IQSEC1: variants seen among roughly 807,000 people sequenced by gnomAD.
IQSEC1 encodes IQ motif and SEC7 domain-containing protein 1.
Under a neutral mutation model 91.0 loss-of-function variants are expected in IQSEC1, and 31 were observed. That is an observed-to-expected ratio of 0.34 (90% CI 0.26 to 0.46). The LOEUF (loss-of-function observed/expected upper bound fraction) is 0.46, where lower values mean the gene tolerates loss of function less well. IQSEC1 is among the 20% of genes least tolerant of loss of function. The pLI is 1.00. For missense variants in IQSEC1, 1,388 were observed against 1,575.6 expected, an observed-to-expected ratio of 0.88 and a Z score of 2.02; for synonymous variants, 699 against 662.6, an observed-to-expected ratio of 1.05 and a Z score of -0.84.
Position 13,214,534 on chromosome 3 carries a change from C to A in IQSEC1, c.273-50401G>T, listed in dbSNP as rs1475304314. On this transcript the variant is annotated intron_variant, in intron 1 of 15. Coordinates refer to the IQSEC1 transcript ENST00000648114. The surrounding 1 kb of genome is among the most constrained non-coding windows in gnomAD (Gnocchi z 4.5). ...ACTCCCTTTCATGGCCTCCATTGCA[C>A]GTGGGTGCAGCCTGGGGCCTCTCAC... is the stretch of plus-strand genomic sequence containing the variant. Among the ~76,000 whole-genome samples the A allele has an allele frequency of 1.3e-5, 2 of 152,274 alleles. No individual in the cohort carries two copies. The highest frequency in any genetic ancestry group is 2.9e-5 in the Non-Finnish European group (2 of 68,050).
intron 1 of IQSEC1, among the ~76,000 whole-genome samples, chr3:13,264,873 C>CCTCTCTCTGT (rs1227128789): frequency 5.3e-5 from 8 of 151,656 alleles, no homozygotes; most frequent in Non-Finnish European, 8.8e-5. Context: ...TATCTCTGTC[C>CCTCTCTCTGT]CTCTCTCTGT....
intron 1 of IQSEC1, among the ~76,000 whole-genome samples, chr3:13,027,027 T>C (rs1703646829): frequency 6.6e-6 from 1 of 152,178 alleles, no homozygotes; most frequent in African/African-American, 2.4e-5. Flanking sequence ...GTCATTTATA[T>C]CTGCAGTCTT....
intron 2 of IQSEC1, among the ~76,000 whole-genome samples, chr3:13,140,301 C>T (rs941207234): frequency 1.3e-5 from 2 of 152,316 alleles, no homozygotes; most frequent in East Asian, 3.9e-4. Flanking sequence ...CAGATTCACG[C>T]TGTCACCTCC....
chr3:13,213,739 G>C (rs1694488210), intron 1 of IQSEC1, among the ~76,000 whole-genome samples: 1 of 152,094 alleles, frequency 6.6e-6, no homozygotes, highest in Non-Finnish European at 1.5e-5. Context: ...TGGGTCCCAG[G>C]GATATGAGTG....
At chr3:12,919,903 C>T (rs1696457556) in intron 6 of IQSEC1, among the ~76,000 whole-genome samples, 1 of 152,194 alleles carries the variant, frequency 6.6e-6, no homozygotes, top group East Asian at 1.9e-4. Flanking sequence ...CACCTCCCAG[C>T]ACATGCCCAC....
chr3:12,965,141 G>A lies in IQSEC1; in HGVS notation c.24-23276C>T, dbSNP rs531332025. Among the ~76,000 whole-genome samples, 75 of 152,130 alleles carry A rather than the reference G, an allele frequency of 4.9e-4. 1 individual carries two copies. Among genetic ancestry groups the A allele is most frequent in the Non-Finnish European group, 8.5e-4 (58 of 68,032 alleles). On this transcript the variant is annotated intron_variant, in intron 1 of 13. Coordinates refer to ENST00000613206, the MANE Select transcript of IQSEC1 (RefSeq NM_001134382.3). ...CAGTCTCTGGGTTCTCTTAGTGTGT[G>A]TACCCTTAAAAAAACGAGGATAAGA...
At chr3:12,961,871 A>C (rs1409989180) in intron 1 of IQSEC1, among the ~76,000 whole-genome samples, 1 of 152,240 alleles carries the variant, frequency 6.6e-6, no homozygotes, top group Non-Finnish European at 1.5e-5. Flanking sequence ...AGGCACAGAA[A>C]GGCTAAGGAA....
chr3:13,170,827 C>G (rs1018086175), intron 1 of IQSEC1, among the ~76,000 whole-genome samples: 12 of 152,152 alleles, frequency 7.9e-5, no homozygotes, highest in Non-Finnish European at 1.5e-4. Flanking sequence ...GTGCTAGGCG[C>G]GGTGGCTCAC....
intron 1 of IQSEC1, among the ~76,000 whole-genome samples, chr3:13,250,704 T>C (rs1472267692): frequency 6.6e-6 from 1 of 151,842 alleles, no homozygotes; most frequent in Non-Finnish European, 1.5e-5. Flanking sequence ...TGACCTCAGG[T>C]GATCTGCCCG....
At position 12,995,213 on chromosome 3, in the gene IQSEC1, C is replaced by T. The variant is rs371506145; in HGVS notation, c.24-53348G>A. The T allele has an allele frequency of 6.6e-5, 10 of 152,376 alleles. 1 individual carries two copies. Among genetic ancestry groups the T allele is most frequent in the Admixed American group, 5.2e-4 (8 of 15,310 alleles). The allele number at this position is 152,376 out of a possible 1,614,324, so 9.4% of individuals were successfully genotyped here. A position where few individuals can be genotyped will look rare whatever the true frequency, so the allele number is the denominator to read the frequency against. On this transcript the variant is annotated intron_variant, in intron 1 of 13. Coordinates refer to ENST00000613206, the MANE Select transcript of IQSEC1 (RefSeq NM_001134382.3). Reference sequence around the variant, plus strand: ...CCAGGGCCCAGCCAGAGAAGCTGAGCGAGTGATGTCATGAGTCAGGAGACC... The same window carrying T: ...CCAGGGCCCAGCCAGAGAAGCTGAGTGAGTGATGTCATGAGTCAGGAGACC...
intron 1 of IQSEC1, among the ~76,000 whole-genome samples, chr3:13,195,056 A>G (rs1462927327): frequency 1.3e-5 from 2 of 152,236 alleles, no homozygotes; most frequent in East Asian, 3.8e-4. Flanking sequence ...GAGGACGATA[A>G]GGCATGCTAC....
rs144909731 is a variant in IQSEC1, at chr3:13,106,421, G to A, written c.302+57683C>T. 4.6e-5 allele frequency among the ~76,000 whole-genome samples: 7 copies of A among 152,270 alleles called. No individual in the cohort carries two copies. In the East Asian group the frequency reaches 1.2e-3, roughly 25 times the overall value. ...CTGGGGTAATCAGAGTCTCTGTTCCGAGCACTTGCTATATGTCAGGTGTGG... is the reference window on the plus strand; with the variant it reads ...CTGGGGTAATCAGAGTCTCTGTTCCAAGCACTTGCTATATGTCAGGTGTGG... On this transcript the variant is annotated intron_variant, in intron 2 of 15. Transcript: ENST00000648114.
intron 1 of IQSEC1, among the ~76,000 whole-genome samples, chr3:13,020,947 A>G (rs1279510587): frequency 6.6e-6 from 1 of 152,234 alleles, no homozygotes; most frequent in Admixed American, 6.5e-5. Flanking sequence ...AAATAGAAGG[A>G]AGGCAAAAAG....
At chr3:13,026,863 AGTTTTTTTTTTTTTTGTTT>A (rs1400979802) in intron 1 of IQSEC1, among the ~76,000 whole-genome samples, 10 of 55,998 alleles carry the variant, frequency 1.8e-4, no homozygotes, top group African/African-American at 3.2e-4. Flanking sequence ...TTATCTCCCC[AGTTTTTTTTTTTTTTGTTT>A]GTTTTTTTTT....
Position 12,969,878 on chromosome 3 carries a change from A to G in IQSEC1, c.24-28013T>C, listed in dbSNP as rs569176019. Among the ~76,000 whole-genome samples the G allele has an allele frequency of 2.6e-5, 4 of 152,286 alleles. No homozygotes were observed. The South Asian group carries it at 6.2e-4, about 24-fold the overall frequency. ...AAATGCATCTTGATTCTCTTGTTTTATCTTTCTGCAAAGTGTGCCTCTTGC... is the reference window on the plus strand; with the variant it reads ...AAATGCATCTTGATTCTCTTGTTTTGTCTTTCTGCAAAGTGTGCCTCTTGC... On this transcript the variant is annotated intron_variant, in intron 1 of 13. Coordinates refer to ENST00000613206, the MANE Select transcript of IQSEC1 (RefSeq NM_001134382.3).
chr3:12,985,253 C>A (rs1264896749), intron 1 of IQSEC1, among the ~76,000 whole-genome samples: 1 of 152,198 alleles, frequency 6.6e-6, no homozygotes, highest in African/African-American at 2.4e-5. Flanking sequence ...ACCCTCAGCC[C>A]TCTCACTGAG....
intron 1 of IQSEC1, among the ~76,000 whole-genome samples, chr3:12,997,280 CAA>C (rs1702260989): frequency 6.6e-6 from 1 of 152,132 alleles, no homozygotes; most frequent in South Asian, 2.1e-4. Context: ...CCAAAGGACA[CAA>C]ATATGCCGAA....
chr3:13,095,325 G>A (rs865838090), intron 2 of IQSEC1, among the ~76,000 whole-genome samples: 1 of 151,864 alleles, frequency 6.6e-6, no homozygotes, highest in African/African-American at 2.4e-5. Flanking sequence ...GCACATTCTC[G>A]GGTCTACCCA....
intron 1 of IQSEC1, among the ~76,000 whole-genome samples, chr3:13,234,487 C>A (rs956978693): frequency 2.0e-5 from 3 of 152,172 alleles, no homozygotes; most frequent in Non-Finnish European, 4.4e-5. Flanking sequence ...CCCTGGGAGA[C>A]CCCCTCCCTT....
Sources: allele counts gnomAD v4.1 joint callset (sites outside exome capture counted in the v4.1 genomes callset), GRCh38; gene constraint gnomAD v4.1.1; non-coding constraint Gnocchi (gnomAD v3.1); transcripts MANE v1.5; gene names NCBI Gene and HGNC (gene_info 2026-07-23, HGNC 2026-07-21).